NCMAP: variants seen among roughly 807,000 people sequenced by gnomAD.
The protein encoded by NCMAP is non-compact myelin associated protein, also known as noncompact myelin-associated protein.
NCMAP carries 8 observed loss-of-function variants against 7.8 expected under a neutral mutation model. The ratio of observed to expected loss-of-function variants is 1.02; its 90% CI spans 0.60 to 1.84. The LOEUF is 1.84. NCMAP is among the 40% of genes most tolerant of loss of function. NCMAP has a pLI of 0.00. For missense variants in NCMAP, 112 were observed against 131.4 expected (o/e 0.85, Z 0.72); for synonymous variants, 41 against 52.9 (o/e 0.78, Z 0.98).
At chr1:24,557,840 G>GGTGAGCTGGGCATATA (rs1553154381) in intron 1 of NCMAP, among the ~76,000 whole-genome samples, 2 of 152,172 alleles carry the variant, frequency 1.3e-5, no homozygotes, top group Non-Finnish European at 2.9e-5. Flanking sequence ...CGGCGCGTGC[G>GGTGAGCTGGGCATATA]GTGAGCTGGG....
At chr1:24,592,149 G>A (rs1652066005) in intron 1 of NCMAP, among the ~76,000 whole-genome samples, 1 of 152,246 alleles carries the variant, frequency 6.6e-6, no homozygotes, top group Admixed American at 6.5e-5. Flanking sequence ...TGCTGTCACA[G>A]CAGTTTGGCA....
chr1:24,605,685 G>A lies in NCMAP; in HGVS notation c.247G>A (p.Gly83Ser), dbSNP rs1224868158. ...APSAVGPNSN[G>S]SQHPATVTFS... The stretch of plus-strand genomic sequence containing the variant: ...TTCTGCCGTGGGCCCAAACAGCAAC[G>A]GCAGCCAACACCCAGCAACTGTGAC... Residue 83 changes from glycine to serine, a missense_variant, in exon 4 of 4, where the codon GGC (glycine) becomes AGC (serine). Transcript: ENST00000374392. The A allele has an allele frequency of 8.1e-6, 13 of 1,614,008 alleles. No individual in the cohort carries two copies. Among genetic ancestry groups the A allele is most frequent in the South Asian group, 4.4e-5 (4 of 91,088 alleles).
At chr1:24,573,969 A>AAAAAAAAAAC (rs1274825221) in intron 1 of NCMAP, among the ~76,000 whole-genome samples, 1 of 136,780 alleles carries the variant, frequency 7.3e-6, no homozygotes. Context: ...AAAAAAAAAA[A>AAAAAAAAAAC]AACAGAAAAA....
chr1:24,597,694 G>GAAAGAAAGAAAGAA (rs138105001), intron 2 of NCMAP, among the ~76,000 whole-genome samples: 40 of 127,926 alleles, frequency 3.1e-4, no homozygotes, highest in East Asian at 1.4e-3. Flanking sequence ...AAGAAAGAAA[G>GAAAGAAAGAAAGAA]AGAAAGAAGG....
At chr1:24,598,160 C>T (rs1249353946) in intron 2 of NCMAP, among the ~76,000 whole-genome samples, 3 of 152,188 alleles carry the variant, frequency 2.0e-5, no homozygotes, top group Non-Finnish European at 4.4e-5. Flanking sequence ...GGATTTCCCG[C>T]CCTCTCTGCT....
intron 1 of NCMAP, among the ~76,000 whole-genome samples, chr1:24,567,077 C>T (rs1259077254): frequency 6.6e-6 from 1 of 152,140 alleles, no homozygotes; most frequent in Non-Finnish European, 1.5e-5. Flanking sequence ...GCTCAGGGAT[C>T]CGGACCCCAG....
intron 1 of NCMAP, among the ~76,000 whole-genome samples, chr1:24,570,977 C>T (rs2148927613): frequency 6.6e-6 from 1 of 151,014 alleles, no homozygotes; most frequent in Admixed American, 6.5e-5. Flanking sequence ...ATGCCCACCA[C>T]TGGGCATGGT....
At chr1:24,601,583 T>G (rs1652492613) in intron 3 of NCMAP, among the ~76,000 whole-genome samples, 1 of 152,122 alleles carries the variant, frequency 6.6e-6, no homozygotes, top group South Asian at 2.1e-4. Flanking sequence ...ATAAAACATA[T>G]CATAGAAGAC....
At chr1:24,588,088 T>G (rs1350865052) in intron 1 of NCMAP, among the ~76,000 whole-genome samples, 1 of 152,004 alleles carries the variant, frequency 6.6e-6, no homozygotes, top group African/African-American at 2.4e-5. Context: ...TTTCTTTTCC[T>G]TTTAATTTTT....
chr1:24,591,428 C>T lies in NCMAP; in HGVS notation c.-7-3996C>T, dbSNP rs1466908349. The stretch of plus-strand genomic sequence containing the variant: ...GACTATAGGCGTGCACCACCACAAG[C>T]GGCTAGTTTTTGTATTTTTAGTAGA... On this transcript the variant is annotated intron_variant, in intron 1 of 3. Coordinates refer to ENST00000374392, the MANE Select transcript of NCMAP (RefSeq NM_001010980.5). Among the ~76,000 whole-genome samples the T allele has an allele frequency of 1.3e-5, 2 of 152,150 alleles. 1 individual carries two copies. The highest frequency in any genetic ancestry group is 4.1e-4 in the South Asian group (2 of 4,824).
chr1:24,579,054 G>A (rs192454835), intron 1 of NCMAP, among the ~76,000 whole-genome samples: 10 of 152,164 alleles, frequency 6.6e-5, no homozygotes, highest in Admixed American at 2.6e-4. Context: ...CGCGGACCTC[G>A]GCATCTTCTT....
At chr1:24,587,917 A>G (rs1229264705) in intron 1 of NCMAP, among the ~76,000 whole-genome samples, 1 of 152,226 alleles carries the variant, frequency 6.6e-6, no homozygotes, top group Non-Finnish European at 1.5e-5. Context: ...CAAGATGCCA[A>G]TATGAAGGTC....
At chr1:24,599,423 CAT>C (rs1553157616) in intron 2 of NCMAP, among the ~76,000 whole-genome samples, 1 of 151,588 alleles carries the variant, frequency 6.6e-6, no homozygotes, top group Non-Finnish European at 1.5e-5. Context: ...AAACTGAAAA[CAT>C]AAGTATTCTC....
chr1:24,597,845 A>C (rs1397970864), intron 2 of NCMAP, among the ~76,000 whole-genome samples: 1 of 151,976 alleles, frequency 6.6e-6, no homozygotes, highest in Non-Finnish European at 1.5e-5. Context: ...GTCATACAAT[A>C]TTTGAGATGT....
chr1:24,591,277 T>C (rs373632712), intron 1 of NCMAP, among the ~76,000 whole-genome samples: 3 of 152,188 alleles, frequency 2.0e-5, no homozygotes, highest in African/African-American at 4.8e-5. Flanking sequence ...GGCTGTGTCT[T>C]TTTTTTGAGA....
intron 1 of NCMAP, among the ~76,000 whole-genome samples, chr1:24,563,160 A>G (rs1294465008): frequency 6.6e-6 from 1 of 152,280 alleles, no homozygotes; most frequent in Admixed American, 6.5e-5. Flanking sequence ...ATGAAATAAT[A>G]CAAGAACAAA....
intron 1 of NCMAP, among the ~76,000 whole-genome samples, chr1:24,591,900 G>A (rs1328066498): frequency 2.0e-5 from 3 of 152,238 alleles, no homozygotes; most frequent in South Asian, 2.1e-4. Context: ...TGAAGCCCCC[G>A]GGGCAGGCCA....
chr1:24,605,221 T>C (rs947526767), intron 3 of NCMAP, among the ~76,000 whole-genome samples: 2 of 152,148 alleles, frequency 1.3e-5, no homozygotes, highest in African/African-American at 4.8e-5. Flanking sequence ...TCTTTTCAAT[T>C]ATGTAAAAAG....
chr1:24,557,191 C>T lies in NCMAP; in HGVS notation c.-8+1022C>T, dbSNP rs924647976. On this transcript the variant is annotated intron_variant, in intron 1 of 3. Transcript: ENST00000374392. The stretch of plus-strand genomic sequence containing the variant: ...GCACGGTGCCCAGCATGCAGTAGGT[C>T]TCAATACATATTTGTCCAATGAATG... Among the ~76,000 whole-genome samples, 5 of 152,094 alleles carry T rather than the reference C, an allele frequency of 3.3e-5. No homozygotes were observed. In the East Asian group the frequency reaches 9.6e-4, roughly 29 times the overall value.
Sources: gnomAD v4.1 joint callset for allele counts (sites outside exome capture counted in the v4.1 genomes callset) on GRCh38, gnomAD v4.1.1 for gene constraint, MANE v1.5 for transcripts, NCBI Gene and HGNC (gene_info 2026-07-23, HGNC 2026-07-21) for gene names.